PGR: variants seen among roughly 807,000 people sequenced by gnomAD.
The protein encoded by PGR is progesterone receptor, also known as nuclear receptor subfamily 3 group C member 3.
Under a neutral mutation model 76.1 loss-of-function variants are expected in PGR, and 25 were observed. The observed-to-expected ratio is 0.33, with a 90% CI of 0.24 to 0.46. PGR has a LOEUF of 0.46. Among genes scored for constraint, PGR ranks in the 20% least tolerant of loss-of-function variants. PGR has a pLI of 1.00. For synonymous variants in PGR, 579 were observed against 535.0 expected (o/e 1.08, Z -1.14); for missense variants, 1,172 against 1,225.3 (o/e 0.96, Z 0.65).
chr11:101,116,707 T>C (rs1423628926), intron 2 of PGR, among the ~76,000 whole-genome samples: 2 of 126,466 alleles, frequency 1.6e-5, no homozygotes, highest in Non-Finnish European at 3.1e-5. Flanking sequence ...ACCACTGCAC[T>C]CCAGGCTGGG....
chr11:101,107,865 T>TA (rs56355097), intron 2 of PGR, among the ~76,000 whole-genome samples: 1,504 of 119,304 alleles, frequency 0.013, 89 homozygotes, highest in Admixed American at 0.074. Context: ...ACTGGCTTTG[T>TA]AAAAAAAAAA....
rs1007193730 is a variant in PGR, at chr11:101,129,560, C to T, written c.-490G>A. The T allele has an allele frequency of 5.3e-6, 1 of 189,660 alleles. No homozygotes were observed. Among genetic ancestry groups the T allele is most frequent in the East Asian group, 8.6e-5 (1 of 11,670 alleles). The allele number at this position is 189,660 out of a possible 1,614,324, so 11.7% of individuals were successfully genotyped here. A position where few individuals can be genotyped will look rare whatever the true frequency, so the allele number is the denominator to read the frequency against. ...CTCAGTCCCTCGCTGAGTTCCACTG[C>T]CCCCTCACTAAAACCCTGGGGCTAG... On this transcript the variant is annotated 5_prime_UTR_variant, in exon 1 of 8. Coordinates refer to ENST00000325455, the MANE Select transcript of PGR (RefSeq NM_000926.4).
At chr11:101,066,979 C>G (rs1860742527) in intron 3 of PGR, among the ~76,000 whole-genome samples, 1 of 152,120 alleles carries the variant, frequency 6.6e-6, no homozygotes, top group Admixed American at 6.6e-5. Context: ...GTCATTCTTG[C>G]TTGATATTTT....
rs1859614682 is a variant in PGR, at chr11:101,039,236, T to C, written c.2682A>G (p.Thr894=). Reference sequence around the variant, plus strand: ...CACTCAGTGCCCGGGACTGGATAAATGTATTCAAGCAGTACAGATGAAGTT... The same window carrying C: ...CACTCAGTGCCCGGGACTGGATAAACGTATTCAAGCAGTACAGATGAAGTT... ...VKQLHLYCLN[T]FIQSRALSVE... is the part of the protein sequence containing the mutation. Residue 894 remains threonine, a synonymous_variant, in exon 8 of 8, where the codon ACA becomes ACG. Coordinates refer to ENST00000325455, the MANE Select transcript of PGR (RefSeq NM_000926.4). 1.2e-6 allele frequency: 2 copies of C among 1,611,508 alleles called. No homozygotes were observed. Among genetic ancestry groups the C allele is most frequent in the East Asian group, 4.5e-5 (2 of 44,718 alleles).
At chr11:101,042,216 A>G in intron 6 of PGR, 114 bp from the exon 7 acceptor site, 1 of 980,382 alleles carries the variant, frequency 1.0e-6, no homozygotes, top group East Asian at 2.6e-5. Context: ...ACTCTAGAAA[A>G]AAAACACCTT....
chr11:101,052,912 C>G (rs1015677061), intron 4 of PGR, among the ~76,000 whole-genome samples: 1 of 152,076 alleles, frequency 6.6e-6, no homozygotes, highest in African/African-American at 2.4e-5. Context: ...GGAGAAGAAA[C>G]TTGCTAGGGA....
At position 101,037,655 on chromosome 11, in the gene PGR, A is replaced by C; in HGVS notation, c.*1461T>G. The C allele has an allele frequency of 4.4e-6, 1 of 226,224 alleles. No individual in the cohort carries two copies. The highest frequency in any genetic ancestry group is 8.8e-6 in the Non-Finnish European group (1 of 113,656). The allele number at this position is 226,224 out of a possible 1,614,324, so 14.0% of individuals were successfully genotyped here. ...TATTCTTCTATGTTATAGTCAGTAA[A>C]GGGAGAGATCTCACAAAGTAGGAAG... is the stretch of plus-strand genomic sequence containing the variant. On this transcript the variant is annotated 3_prime_UTR_variant, in exon 8 of 8. Coordinates refer to ENST00000325455, the MANE Select transcript of PGR (RefSeq NM_000926.4).
At chr11:101,060,994 T>C (rs2135409022) in intron 4 of PGR, among the ~76,000 whole-genome samples, 1 of 152,332 alleles carries the variant, frequency 6.6e-6, no homozygotes, top group Non-Finnish European at 1.5e-5. Context: ...CGTTACCAGC[T>C]GATGCTAGAA....
In PGR at chr11:101,128,231, G is replaced by T; in HGVS notation, c.840C>A (p.Val280=). 3 of 1,596,938 alleles carry T rather than the reference G, an allele frequency of 1.9e-6. No individual in the cohort carries two copies. In the South Asian group the frequency reaches 3.3e-5, roughly 18 times the overall value. ...KEDSRFSAPR[V]ALVEQDAPMA... ...TCGGCGCGTCCTGCTCCACCAGGGCGACCCTGGGCGCTGAGAAGCGGGAAT... is the reference window on the plus strand; with the variant it reads ...TCGGCGCGTCCTGCTCCACCAGGGCTACCCTGGGCGCTGAGAAGCGGGAAT... Residue 280 remains valine (V), a synonymous_variant, in exon 1 of 8, where the codon GTC becomes GTA. Transcript: ENST00000325455.
intron 3 of PGR, among the ~76,000 whole-genome samples, chr11:101,076,805 T>C (rs1470456215): frequency 6.6e-6 from 1 of 151,664 alleles, no homozygotes; most frequent in Non-Finnish European, 1.5e-5. Context: ...ATAAAATAAT[T>C]TGGTAAAATA....
chr11:101,094,104 C>T (rs1861762771), intron 2 of PGR, among the ~76,000 whole-genome samples: 1 of 152,120 alleles, frequency 6.6e-6, no homozygotes, highest in African/African-American at 2.4e-5. Flanking sequence ...GTCCTGCTCT[C>T]TCATTATTTT....
chr11:101,117,299 T>C (rs1248387831), intron 2 of PGR, among the ~76,000 whole-genome samples: 2 of 152,218 alleles, frequency 1.3e-5, no homozygotes. Context: ...TTCTGTGGGC[T>C]GTACTTTGTG....
chr11:101,092,231 G>T (rs1861697589), intron 2 of PGR, among the ~76,000 whole-genome samples: 1 of 152,256 alleles, frequency 6.6e-6, no homozygotes, highest in South Asian at 2.1e-4. Flanking sequence ...GTACCAGGTG[G>T]TCAAACTCTA....
At chr11:101,058,299 T>A (rs1305918551) in intron 4 of PGR, among the ~76,000 whole-genome samples, 2 of 152,154 alleles carry the variant, frequency 1.3e-5, no homozygotes, top group Non-Finnish European at 2.9e-5. Context: ...ATCAACACAT[T>A]TATTAAGGCC....
At position 101,128,062 on chromosome 11, in the gene PGR, T is replaced by C; in HGVS notation, c.1009A>G (p.Ser337Gly). ...ESYDGGAGAA[S>G]AFAPPRSSPC... The stretch of plus-strand genomic sequence containing the variant: ...GAACTCCGCGGCGGGGCAAAGGCGC[T>C]GGCAGCCCCGGCCCCGCCGTCGTAA... Residue 337 changes from serine to glycine, a missense_variant, in exon 1 of 8, where the codon AGC (serine) becomes GGC (glycine). By Grantham distance (56) the Ser-to-Gly change is moderately conservative. Transcript: ENST00000325455. 2 of 1,602,042 alleles carry C rather than the reference T, an allele frequency of 1.2e-6. No homozygotes were observed. The highest frequency in any genetic ancestry group is 1.7e-5 in the Admixed American group (1 of 59,992).
chr11:101,033,085 T>C lies in PGR; in HGVS notation c.*6031A>G, dbSNP rs1859400646. On this transcript the variant is annotated 3_prime_UTR_variant, in exon 8 of 8. Transcript: ENST00000325455. Reference sequence around the variant, plus strand: ...TAAAAAGGCTTTAACTTAAACCCTTTGTGCTGATTTTTCTTATAAACATGC... The same window carrying C: ...TAAAAAGGCTTTAACTTAAACCCTTCGTGCTGATTTTTCTTATAAACATGC... 4.9e-6 allele frequency: 1 copy of C among 204,264 alleles called. No homozygotes were observed. The highest frequency in any genetic ancestry group is 1.9e-4 in the South Asian group (1 of 5,266). 12.7% of individuals were successfully genotyped at this position (204,264 alleles called of 1,614,324 possible).
intron 2 of PGR, among the ~76,000 whole-genome samples, chr11:101,125,735 G>A (rs1479817555): frequency 1.3e-5 from 2 of 152,058 alleles, no homozygotes; most frequent in African/African-American, 4.8e-5. Flanking sequence ...AGCAGTTAAG[G>A]AACAATAGTA....
intron 2 of PGR, among the ~76,000 whole-genome samples, chr11:101,119,701 A>G (rs1862615721): frequency 2.0e-5 from 3 of 152,230 alleles, no homozygotes; most frequent in Admixed American, 6.5e-5. Flanking sequence ...ATAAAGAAAT[A>G]CAGAGCTGTT....
rs879441189 is a variant in PGR, at chr11:101,033,819, A to G, written c.*5297T>C. 1.4e-5 allele frequency: 3 copies of G among 207,956 alleles called. No individual in the cohort carries two copies. The highest frequency in any genetic ancestry group is 2.9e-5 in the Non-Finnish European group (3 of 102,068). 12.9% of individuals were successfully genotyped at this position (207,956 alleles called of 1,614,324 possible). A position where few individuals can be genotyped will look rare whatever the true frequency, so the allele number is the denominator to read the frequency against. ...GACAAAGAGATCAGAAACTTAACAT[A>G]TAACTGACAAGACAAAAACATTTAA... On this transcript the variant is annotated 3_prime_UTR_variant, in exon 8 of 8. Transcript: ENST00000325455.
Sources: allele counts gnomAD v4.1 joint callset (sites outside exome capture counted in the v4.1 genomes callset), GRCh38; gene constraint gnomAD v4.1.1; transcripts MANE v1.5; gene names NCBI Gene and HGNC (gene_info 2026-07-23, HGNC 2026-07-21).